The following ZBTB20 variants were observed in gnomAD, a reference collection of about 807,000 sequenced individuals.
ZBTB20 encodes zinc finger and BTB domain containing 20, also known as zinc finger and BTB domain-containing protein 20.
In ZBTB20, 9 loss-of-function variants were observed where a neutral mutation model predicts 56.9. The ratio of observed to expected loss-of-function variants is 0.16; its 90% CI spans 0.10 to 0.28. The LOEUF (loss-of-function observed/expected upper bound fraction) is 0.28, where lower values mean the gene tolerates loss of function less well. Among genes scored for constraint, ZBTB20 ranks in the 10% least tolerant of loss-of-function variants. The pLI is 1.00. For synonymous variants in ZBTB20, 417 were observed against 420.7 expected, an observed-to-expected ratio of 0.99 and a Z score of 0.11; for missense variants, 655 against 1,003.0, an observed-to-expected ratio of 0.65 and a Z score of 4.69.
At chr3:115,124,295 G>C (rs1384331979) in intron 1 of ZBTB20, among the ~76,000 whole-genome samples, 2 of 152,104 alleles carry the variant, frequency 1.3e-5, no homozygotes, top group Non-Finnish European at 2.9e-5. Context: ...GAATTAGTTT[G>C]AATATTATAA....
At chr3:114,853,597 A>T (rs1438087157) in intron 4 of ZBTB20, among the ~76,000 whole-genome samples, 1 of 152,198 alleles carries the variant, frequency 6.6e-6, no homozygotes, top group East Asian at 1.9e-4. Context: ...AATCCCTTGT[A>T]AGGTGTCCTG....
chr3:114,883,142 G>C (rs1046114809), intron 4 of ZBTB20, among the ~76,000 whole-genome samples: 1 of 152,070 alleles, frequency 6.6e-6, no homozygotes, highest in Non-Finnish European at 1.5e-5. Context: ...CAGAATGGTG[G>C]AAAAATATGT....
chr3:114,675,812 T>TAAGA (rs2061594570), intron 6 of ZBTB20, among the ~76,000 whole-genome samples: 1 of 151,912 alleles, frequency 6.6e-6, no homozygotes, highest in African/African-American at 2.4e-5. Flanking sequence ...GCTAACTCAA[T>TAAGA]AAGAAAGAAA....
chr3:115,136,483 T>C (rs1560599973), intron 1 of ZBTB20, among the ~76,000 whole-genome samples: 1 of 149,222 alleles, frequency 6.7e-6, no homozygotes, highest in Non-Finnish European at 1.5e-5. Context: ...TGTACTATAA[T>C]TCTAAATGTT....
chr3:114,758,095 C>T (rs1032727080), intron 5 of ZBTB20, among the ~76,000 whole-genome samples: 2 of 152,068 alleles, frequency 1.3e-5, no homozygotes, highest in Non-Finnish European at 1.5e-5. Context: ...TCGATGAAAG[C>T]GCATTTTCCA....
chr3:114,698,150 C>T (rs1163920954), intron 5 of ZBTB20, among the ~76,000 whole-genome samples: 1 of 152,048 alleles, frequency 6.6e-6, no homozygotes, highest in South Asian at 2.1e-4. Context: ...AAATATATCA[C>T]GGGAATGTCA....
At chr3:114,740,658 C>T (rs1323224564) in intron 5 of ZBTB20, among the ~76,000 whole-genome samples, 1 of 152,016 alleles carries the variant, frequency 6.6e-6, no homozygotes, top group East Asian at 1.9e-4. Context: ...ATTTAATGAA[C>T]AAAAAATGTC....
chr3:114,353,902 T>C (rs574443651), intron 10 of ZBTB20, among the ~76,000 whole-genome samples: 6 of 152,368 alleles, frequency 3.9e-5, no homozygotes, highest in African/African-American at 1.4e-4. Flanking sequence ...CAATTGCTGG[T>C]AGACTGGCAT....
intron 6 of ZBTB20, among the ~76,000 whole-genome samples, chr3:114,617,966 A>T (rs917748769): frequency 1.5e-4 from 23 of 151,988 alleles, no homozygotes; most frequent in African/African-American, 4.6e-4. Flanking sequence ...TCTCCTCTTT[A>T]AATTTTCTCC....
At chr3:114,649,566 T>TA (rs2060021268) in intron 6 of ZBTB20, among the ~76,000 whole-genome samples, 1 of 151,944 alleles carries the variant, frequency 6.6e-6, no homozygotes, top group African/African-American at 2.4e-5. Context: ...TAGGGGGTCA[T>TA]ATAGGTGAAT....
chr3:114,939,510 T>C (rs1361779980), intron 3 of ZBTB20, among the ~76,000 whole-genome samples: 2 of 146,418 alleles, frequency 1.4e-5, no homozygotes, highest in Non-Finnish European at 2.9e-5. Context: ...TAATAGGAAG[T>C]TTTTTTGCAT....
At chr3:114,416,519 T>C (rs1222434375) in intron 7 of ZBTB20, among the ~76,000 whole-genome samples, 1 of 152,056 alleles carries the variant, frequency 6.6e-6, no homozygotes, top group Non-Finnish European at 1.5e-5. Flanking sequence ...TCTCCCCTTC[T>C]AGAAGCTGGC....
chr3:114,514,514 G>A (rs2045763617), intron 6 of ZBTB20, among the ~76,000 whole-genome samples: 1 of 152,182 alleles, frequency 6.6e-6, no homozygotes, highest in Admixed American at 6.6e-5. Context: ...TAGGGCATGA[G>A]GGATTAGTGG....
intron 7 of ZBTB20, among the ~76,000 whole-genome samples, chr3:114,495,504 T>C (rs1460777318): frequency 1.1e-4 from 16 of 152,166 alleles, no homozygotes. Context: ...CATATATATG[T>C]AAATAGAACT....
At chr3:114,720,283 T>C (rs1197095324) in intron 5 of ZBTB20, among the ~76,000 whole-genome samples, 1 of 150,514 alleles carries the variant, frequency 6.6e-6, no homozygotes, top group Non-Finnish European at 1.5e-5. Context: ...AAATATATTA[T>C]CTAAATATAG....
intron 6 of ZBTB20, among the ~76,000 whole-genome samples, chr3:114,539,311 T>C (rs1267150221): frequency 6.6e-6 from 1 of 152,170 alleles, no homozygotes; most frequent in Non-Finnish European, 1.5e-5. Flanking sequence ...ATTTGACATT[T>C]TTGGTGAAAT....
intron 2 of ZBTB20, among the ~76,000 whole-genome samples, chr3:115,022,559 T>G (rs956558883): frequency 6.6e-6 from 1 of 151,076 alleles, no homozygotes; most frequent in Non-Finnish European, 1.5e-5. Context: ...TTTATTGCCA[T>G]AGCAAAACCT....
chr3:114,814,364 C>A (rs1312052151), intron 4 of ZBTB20, among the ~76,000 whole-genome samples: 2 of 151,530 alleles, frequency 1.3e-5, no homozygotes, highest in African/African-American at 4.8e-5. Flanking sequence ...AAAGAGATAT[C>A]TATCTGTCTC....
At chr3:114,393,007 C>A (rs919362640) in intron 7 of ZBTB20, among the ~76,000 whole-genome samples, 6 of 152,198 alleles carry the variant, frequency 3.9e-5, no homozygotes, top group Non-Finnish European at 2.9e-5. Flanking sequence ...CTGCATCTCC[C>A]AGGTGAGCGC....
Sources: allele counts gnomAD v4.1 joint callset (sites outside exome capture counted in the v4.1 genomes callset), GRCh38; gene constraint gnomAD v4.1.1; transcripts MANE v1.5; gene names NCBI Gene and HGNC (gene_info 2026-07-23, HGNC 2026-07-21).